Variants in PPP4R3B observed in about 807,000 individuals in gnomAD.
The protein encoded by PPP4R3B is protein phosphatase 4 regulatory subunit 3B, also known as serine/threonine-protein phosphatase 4 regulatory subunit 3B.
PPP4R3B carries 52 observed loss-of-function variants against 95.4 expected under a neutral mutation model. The observed-to-expected ratio is 0.54, with a 90% confidence interval of 0.44 to 0.69. The LOEUF (loss-of-function observed/expected upper bound fraction) is 0.69. Ranked by LOEUF, PPP4R3B falls within the 30% of genes least tolerant of loss-of-function variation. The pLI is 0.00. For synonymous variants in PPP4R3B, 407 were observed against 343.9 expected (o/e 1.18, Z -2.03); for missense variants, 1,003 against 1,005.9 (o/e 1.00, Z 0.04).
intron 2 of PPP4R3B, among the ~76,000 whole-genome samples, chr2:55,604,795 G>GACACACAC (rs3069140): frequency 0.01 from 1,551 of 149,886 alleles, 11 homozygotes; most frequent in Middle Eastern, 0.021. Context: ...ATAAAACATA[G>GACACACAC]ACACACACAC....
intron 10 of PPP4R3B, among the ~76,000 whole-genome samples, chr2:55,577,629 T>C (rs1042166882): frequency 6.6e-6 from 1 of 152,186 alleles, no homozygotes; most frequent in African/African-American, 2.4e-5. Flanking sequence ...ACATATCTTC[T>C]TTTACCTTCT....
chr2:55,557,066 A>ACG (rs1558939393), intron 16 of PPP4R3B, among the ~76,000 whole-genome samples: 34 of 151,572 alleles, frequency 2.2e-4, no homozygotes, highest in African/African-American at 4.9e-4. Flanking sequence ...CTGTAACAAC[A>ACG]ACGACGACGA....
At chr2:55,606,660 T>C (rs1559049303) in intron 2 of PPP4R3B, among the ~76,000 whole-genome samples, 1 of 151,850 alleles carries the variant, frequency 6.6e-6, no homozygotes, top group Non-Finnish European at 1.5e-5. Flanking sequence ...CCATCTCTAC[T>C]AAAAATACCA....
intron 4 of PPP4R3B, among the ~76,000 whole-genome samples, chr2:55,594,747 G>C (rs1241029652): frequency 2.0e-5 from 3 of 152,040 alleles, no homozygotes; most frequent in Non-Finnish European, 4.4e-5. Context: ...AAGTGAAATA[G>C]CACCCTGAAT....
chr2:55,598,094 C>A (rs1692048103), intron 4 of PPP4R3B, among the ~76,000 whole-genome samples: 1 of 152,046 alleles, frequency 6.6e-6, no homozygotes, highest in Non-Finnish European at 1.5e-5. Flanking sequence ...GCAGTGCACA[C>A]CTGTAGTCTC....
At chr2:55,589,543 A>T (rs946500225) in intron 4 of PPP4R3B, among the ~76,000 whole-genome samples, 9 of 152,246 alleles carry the variant, frequency 5.9e-5, no homozygotes, top group African/African-American at 2.2e-4. Flanking sequence ...ACTGCTTTTC[A>T]TACTAATGAC....
At chr2:55,560,560 C>T (rs377557737) in intron 15 of PPP4R3B, among the ~76,000 whole-genome samples, 86 of 152,092 alleles carry the variant, frequency 5.7e-4, no homozygotes, top group African/African-American at 1.8e-3. Context: ...AAGCGGATCA[C>T]GAAGTCAGGA....
chr2:55,591,885 T>C (rs1055434202), intron 4 of PPP4R3B, among the ~76,000 whole-genome samples: 3 of 152,334 alleles, frequency 2.0e-5, no homozygotes, highest in East Asian at 1.9e-4. Context: ...ATCATATAGT[T>C]GAAATACTTA....
chr2:55,558,668 A>G, intron 16 of PPP4R3B, 107 bp downstream of exon 16: 1 of 793,980 alleles, frequency 1.3e-6, no homozygotes, highest in East Asian at 2.6e-5. Context: ...GAAAAATTCT[A>G]AACAATTCAT....
chr2:55,588,792 A>T, intron 5 of PPP4R3B, 87 bp downstream of exon 5: 3 of 734,996 alleles, frequency 4.1e-6, no homozygotes, highest in South Asian at 4.2e-5. Flanking sequence ...ATTACAAAAA[A>T]TTGTCTCAAG....
At position 55,603,811 on chromosome 2, in the gene PPP4R3B, TTAAAG is replaced by T. The variant is rs1035455626; in HGVS notation, c.297+162_297+166del. On this transcript the variant is annotated intron_variant, in intron 3 of 16. Coordinates refer to ENST00000616407, the MANE Select transcript of PPP4R3B (RefSeq NM_001122964.3). ...TATGACAAAGTTGTTTTTAAAAAACTTAAAGTAAAATAATTTGCCGTAGAATATAA... is the reference window on the plus strand; with the variant it reads ...TATGACAAAGTTGTTTTTAAAAAACTTAAAATAATTTGCCGTAGAATATAA... 5.3e-5 allele frequency among the ~76,000 whole-genome samples: 8 copies of T among 152,254 alleles called. No individual in the cohort carries two copies. The East Asian group carries it at 7.7e-4, about 15-fold the overall frequency.
At chr2:55,558,545 T>C (rs767135910) in intron 16 of PPP4R3B, among the ~76,000 whole-genome samples, 8 of 151,720 alleles carry the variant, frequency 5.3e-5, no homozygotes, top group Admixed American at 2.6e-4. Context: ...GAGGCGGAGG[T>C]TGCAGTGAGC....
intron 1 of PPP4R3B, 86 bp downstream of exon 1, chr2:55,617,058 C>CA: frequency 6.8e-7 from 1 of 1,464,240 alleles, no homozygotes; most frequent in Non-Finnish European, 9.2e-7. Flanking sequence ...GAAGGAGTAG[C>CA]AACGGTAACG....
At chr2:55,595,452 C>G (rs116423153) in intron 4 of PPP4R3B, among the ~76,000 whole-genome samples, 1 of 151,736 alleles carries the variant, frequency 6.6e-6, no homozygotes, top group East Asian at 1.9e-4. Context: ...ACAGTGAGAT[C>G]CTGTCTCTAT....
chr2:55,549,245 T>A lies in PPP4R3B; in HGVS notation c.*666A>T, dbSNP rs1321350615. 6.6e-6 allele frequency: 1 copy of A among 152,614 alleles called. No homozygotes were observed. The highest frequency in any genetic ancestry group is 1.5e-5 in the Non-Finnish European group (1 of 68,068). The allele number at this position is 152,614 out of a possible 1,614,324, so 9.5% of individuals were successfully genotyped here. A position where few individuals can be genotyped will look rare whatever the true frequency, so the allele number is the denominator to read the frequency against. ...GTCTCTAAAAGTGCTGATTTTAACATTATCTTAAAACTGTCCAGTTTGAAT... is the reference window on the plus strand; with the variant it reads ...GTCTCTAAAAGTGCTGATTTTAACAATATCTTAAAACTGTCCAGTTTGAAT... On this transcript the variant is annotated 3_prime_UTR_variant, in exon 17 of 17. Coordinates refer to ENST00000616407, the MANE Select transcript of PPP4R3B (RefSeq NM_001122964.3).
At chr2:55,560,989 A>T (rs2103882793) in intron 15 of PPP4R3B, among the ~76,000 whole-genome samples, 1 of 152,286 alleles carries the variant, frequency 6.6e-6, no homozygotes, top group South Asian at 2.1e-4. Context: ...TGGCTGCAGA[A>T]ATCTGAATAA....
At chr2:55,591,649 T>C (rs994901634) in intron 4 of PPP4R3B, 10 of 984,888 alleles carry the variant, frequency 1.0e-5, no homozygotes, top group African/African-American at 7.0e-5. Flanking sequence ...AATTTCCCAC[T>C]TGAATTCTTC....
At chr2:55,605,022 G>A (rs1007062197) in intron 2 of PPP4R3B, among the ~76,000 whole-genome samples, 8 of 151,846 alleles carry the variant, frequency 5.3e-5, no homozygotes, top group Admixed American at 4.6e-4. Flanking sequence ...GTAGAGACAG[G>A]GTTTCACCAT....
At chr2:55,599,179 T>C in intron 3 of PPP4R3B, 140 bp from the exon 4 acceptor site, 1 of 786,108 alleles carries the variant, frequency 1.3e-6, no homozygotes. Context: ...GGCTCACGCC[T>C]GTAATCCCAG....
Sources: gnomAD v4.1 joint callset for allele counts (sites outside exome capture counted in the v4.1 genomes callset) on GRCh38, gnomAD v4.1.1 for gene constraint, MANE v1.5 for transcripts, NCBI Gene and HGNC (gene_info 2026-07-23, HGNC 2026-07-21) for gene names.